Variants in PRKD1 observed in about 807,000 individuals in gnomAD.
PRKD1 encodes serine/threonine-protein kinase D1.
PRKD1 carries 63 observed loss-of-function variants against 95.9 expected under a neutral mutation model. The ratio of observed to expected loss-of-function variants is 0.66; its 90% CI spans 0.54 to 0.81. The LOEUF (loss-of-function observed/expected upper bound fraction) is 0.81, where lower values mean the gene tolerates loss of function less well. Among genes scored for constraint, PRKD1 ranks in the 30% least tolerant of loss-of-function variants. The pLI is 0.00. For missense variants in PRKD1, 1,048 were observed against 1,165.3 expected (o/e 0.90, Z 1.47); for synonymous variants, 425 against 423.1 (o/e 1.00, Z -0.05).
chr14:29,684,143 GTTT>G (rs11285857), intron 2 of PRKD1, among the ~76,000 whole-genome samples: 1 of 135,806 alleles, frequency 7.4e-6, no homozygotes, highest in East Asian at 2.1e-4. Flanking sequence ...CTTTAGAATG[GTTT>G]TTTTTTTTTT....
chr14:29,790,052 G>A (rs1027229178), intron 1 of PRKD1, among the ~76,000 whole-genome samples: 2 of 120,496 alleles, frequency 1.7e-5, no homozygotes, highest in Non-Finnish European at 3.2e-5. Flanking sequence ...TCACTCTGTC[G>A]CCAGGCTGGA....
At chr14:29,703,366 T>C (rs1594443031) in intron 2 of PRKD1, among the ~76,000 whole-genome samples, 2 of 152,232 alleles carry the variant, frequency 1.3e-5, no homozygotes, top group Non-Finnish European at 2.9e-5. Flanking sequence ...TGAGGGCTGC[T>C]GTTTGGTAGG....
chr14:29,851,940 T>C (rs1307163735), intron 1 of PRKD1, among the ~76,000 whole-genome samples: 1 of 152,154 alleles, frequency 6.6e-6, no homozygotes, highest in East Asian at 1.9e-4. Context: ...GCAACACAGA[T>C]GGAGTTGGAA....
intron 1 of PRKD1, among the ~76,000 whole-genome samples, chr14:29,797,258 T>C (rs911227932): frequency 3.3e-5 from 5 of 152,184 alleles, no homozygotes; most frequent in Non-Finnish European, 7.3e-5. Context: ...GATGGTCTTT[T>C]AGGAGGATAT....
intron 1 of PRKD1, among the ~76,000 whole-genome samples, chr14:29,918,737 A>C (rs1193737570): frequency 6.6e-6 from 1 of 152,204 alleles, no homozygotes; most frequent in Non-Finnish European, 1.5e-5. Context: ...TATGGAATCA[A>C]ACAAACTGAA....
At chr14:29,826,756 TAC>T (rs1236227921) in intron 1 of PRKD1, among the ~76,000 whole-genome samples, 2 of 38,538 alleles carry the variant, frequency 5.2e-5, no homozygotes, top group South Asian at 8.4e-4. Flanking sequence ...CATATATATA[TAC>T]ATATATATAT....
intron 2 of PRKD1, among the ~76,000 whole-genome samples, chr14:29,708,071 C>T (rs1005104233): frequency 1.3e-5 from 2 of 152,060 alleles, no homozygotes; most frequent in South Asian, 2.1e-4. Flanking sequence ...TTAATAAATG[C>T]TGTTAGTCAT....
At chr14:29,753,836 T>G (rs971800346) in intron 1 of PRKD1, among the ~76,000 whole-genome samples, 12 of 152,148 alleles carry the variant, frequency 7.9e-5, no homozygotes, top group Non-Finnish European at 1.5e-4. Flanking sequence ...ACCCACTTTT[T>G]CAATGATGTA....
At chr14:29,761,750 A>G (rs965501492) in intron 1 of PRKD1, among the ~76,000 whole-genome samples, 8 of 151,772 alleles carry the variant, frequency 5.3e-5, no homozygotes, top group Non-Finnish European at 8.8e-5. Context: ...TTAATAGGAG[A>G]AGTGGGTTGC....
chr14:29,648,250 C>T (rs1003035894), intron 4 of PRKD1, among the ~76,000 whole-genome samples: 2 of 152,020 alleles, frequency 1.3e-5, no homozygotes, highest in African/African-American at 4.8e-5. Context: ...ACTTCAATCC[C>T]CCCTTTGGTG....
chr14:29,707,265 G>GA (rs1286050963), intron 2 of PRKD1, among the ~76,000 whole-genome samples: 1 of 152,136 alleles, frequency 6.6e-6, no homozygotes, highest in Non-Finnish European at 1.5e-5. Context: ...AATGAAATGA[G>GA]AGGGAACAAA....
At chr14:29,894,389 C>G (rs1052068883) in intron 1 of PRKD1, among the ~76,000 whole-genome samples, 4 of 152,198 alleles carry the variant, frequency 2.6e-5, no homozygotes, top group Non-Finnish European at 4.4e-5. Context: ...ATACCATCCT[C>G]AGTTGGAAGC....
At chr14:29,614,823 G>T (rs947157774) in intron 13 of PRKD1, among the ~76,000 whole-genome samples, 2 of 150,550 alleles carry the variant, frequency 1.3e-5, no homozygotes, top group Non-Finnish European at 2.9e-5. Context: ...CTGTGTAGGT[G>T]GGACTACAGG....
At chr14:29,751,225 G>T (rs1887465935) in intron 1 of PRKD1, 1 of 151,306 alleles carries the variant, frequency 6.6e-6, no homozygotes, top group Admixed American at 6.7e-5. Context: ...ACTGTTAGTT[G>T]ACATATATCC....
chr14:29,833,280 A>G (rs907121669), intron 1 of PRKD1, among the ~76,000 whole-genome samples: 1 of 152,122 alleles, frequency 6.6e-6, no homozygotes, highest in African/African-American at 2.4e-5. Flanking sequence ...ACCTACCATT[A>G]GTTGTGTAAC....
At chr14:29,910,700 T>C (rs1894677772) in intron 1 of PRKD1, among the ~76,000 whole-genome samples, 1 of 152,178 alleles carries the variant, frequency 6.6e-6, no homozygotes, top group Admixed American at 6.5e-5. Flanking sequence ...TGAGACTTGT[T>C]AGGACAAAGA....
intron 11 of PRKD1, among the ~76,000 whole-genome samples, chr14:29,627,271 A>T (rs1441624075): frequency 6.6e-6 from 1 of 152,198 alleles, no homozygotes; most frequent in Non-Finnish European, 1.5e-5. Context: ...TTCTCCCTGT[A>T]TGGCTAGAAT....
At chr14:29,715,250 G>A (rs1031934084) in intron 2 of PRKD1, among the ~76,000 whole-genome samples, 7 of 151,886 alleles carry the variant, frequency 4.6e-5, no homozygotes, top group African/African-American at 1.7e-4. Context: ...TGTAAACAGT[G>A]TGATCCAAGT....
intron 13 of PRKD1, among the ~76,000 whole-genome samples, chr14:29,619,652 A>G (rs1566490697): frequency 6.6e-6 from 1 of 152,168 alleles, no homozygotes; most frequent in East Asian, 1.9e-4. Context: ...GGGTAAGAGA[A>G]GTATGGAGAA....
Sources: gnomAD v4.1 joint callset for allele counts (sites outside exome capture counted in the v4.1 genomes callset) on GRCh38, gnomAD v4.1.1 for gene constraint, MANE v1.5 for transcripts, NCBI Gene and HGNC (gene_info 2026-07-23, HGNC 2026-07-21) for gene names.